Variants in SPECC1L observed in about 807,000 individuals in gnomAD.
SPECC1L encodes cytospin-A.
A neutral mutation model predicts 116.8 loss-of-function variants in SPECC1L; 40 were observed. The observed-to-expected ratio is 0.34, with a 90% CI of 0.27 to 0.45. The LOEUF (loss-of-function observed/expected upper bound fraction) is 0.45, where lower values mean the gene tolerates loss of function less well. Among genes scored for constraint, SPECC1L ranks in the 20% least tolerant of loss-of-function variants. The pLI is 1.00. For synonymous variants in SPECC1L, 504 were observed against 500.6 expected (o/e 1.01, Z -0.09); for missense variants, 1,110 against 1,373.6 (o/e 0.81, Z 3.03).
chr22:24,378,274 G>A (rs1292819413), intron 14 of SPECC1L, among the ~76,000 whole-genome samples: 1 of 152,202 alleles, frequency 6.6e-6, no homozygotes, highest in Non-Finnish European at 1.5e-5. Context: ...ACCAATCTCA[G>A]CATTTATAGA....
chr22:24,290,831 G>T (rs1181823674), intron 2 of SPECC1L, among the ~76,000 whole-genome samples: 1 of 152,188 alleles, frequency 6.6e-6, no homozygotes, highest in Non-Finnish European at 1.5e-5. Context: ...TGTATATGTT[G>T]AAGAATATAG....
chr22:24,298,520 G>A (rs1386881770), intron 2 of SPECC1L, among the ~76,000 whole-genome samples: 4 of 152,210 alleles, frequency 2.6e-5, no homozygotes, highest in Non-Finnish European at 4.4e-5. Context: ...CCCAAGATCT[G>A]CAGTTGGCCA....
intron 9 of SPECC1L, among the ~76,000 whole-genome samples, chr22:24,336,019 T>C (rs139545216): frequency 6.6e-6 from 1 of 152,196 alleles, no homozygotes; most frequent in African/African-American, 2.4e-5. Flanking sequence ...GAGTTTTCAG[T>C]ATAGCATTGT....
intron 3 of SPECC1L, among the ~76,000 whole-genome samples, chr22:24,310,422 T>G (rs1024939706): frequency 9.2e-5 from 14 of 152,248 alleles, no homozygotes; most frequent in African/African-American, 3.4e-4. Flanking sequence ...TGTAACTTTG[T>G]TAGATATTGC....
At position 24,415,904 on chromosome 22, in the gene SPECC1L, C is replaced by G. The variant is rs1425922248; in HGVS notation, c.*1281C>G. 6.6e-6 allele frequency: 1 copy of G among 152,272 alleles called. No homozygotes were observed. Among genetic ancestry groups the G allele is most frequent in the Admixed American group, 6.5e-5 (1 of 15,282 alleles). 9.4% of individuals were successfully genotyped at this position (152,272 alleles called of 1,614,324 possible). On this transcript the variant is annotated 3_prime_UTR_variant, in exon 17 of 17. Transcript: ENST00000314328. ...AACAGCTATTTTTGGGAATAGGGAT[C>G]TCCCGTGTGCCTAACGCAGTAGCTA...
At chr22:24,275,378 G>T (rs569813322) in intron 1 of SPECC1L, among the ~76,000 whole-genome samples, 97 of 152,318 alleles carry the variant, frequency 6.4e-4, no homozygotes, top group African/African-American at 2.1e-3. Flanking sequence ...TTCAAAGTCT[G>T]TTTAATTGTA....
At chr22:24,390,956 A>ACCTCT (rs1482186614) in intron 14 of SPECC1L, among the ~76,000 whole-genome samples, 1 of 133,586 alleles carries the variant, frequency 7.5e-6, no homozygotes, top group Admixed American at 8.5e-5. Flanking sequence ...GCTCACTGCA[A>ACCTCT]CCTCTGCCTC....
chr22:24,404,028 T>G (rs1265059524), intron 14 of SPECC1L, among the ~76,000 whole-genome samples: 3 of 152,208 alleles, frequency 2.0e-5, no homozygotes, highest in African/African-American at 7.2e-5. Flanking sequence ...TCATGGCAAC[T>G]CATATGTTTC....
chr22:24,384,045 G>A (rs1209993684), intron 14 of SPECC1L, among the ~76,000 whole-genome samples: 1 of 151,732 alleles, frequency 6.6e-6, no homozygotes, highest in Non-Finnish European at 1.5e-5. Context: ...AAAGACTTGT[G>A]AATTAGAGGA....
chr22:24,314,361 T>G (rs546859022), intron 4 of SPECC1L, among the ~76,000 whole-genome samples: 3 of 152,374 alleles, frequency 2.0e-5, no homozygotes, highest in East Asian at 3.9e-4. Context: ...AGAAGGATTC[T>G]TTTAAAAATA....
intron 2 of SPECC1L, among the ~76,000 whole-genome samples, chr22:24,280,327 A>G (rs909597131): frequency 6.6e-6 from 1 of 151,894 alleles, no homozygotes; most frequent in African/African-American, 2.4e-5. Context: ...GGTTTTGAGG[A>G]GTAGCTGGGG....
At position 24,300,157 on chromosome 22, in the gene SPECC1L, C is replaced by G. The variant is rs145889901; in HGVS notation, c.-37-2038C>G. 7.4e-3 allele frequency among the ~76,000 whole-genome samples: 1,123 copies of G among 152,292 alleles called. 71 individuals carry two copies. In the South Asian group the frequency reaches 0.12, roughly 16 times the overall value. ...CTCGTTCCCCACCCCACAACAGGCCCTGGTGTGTGTTGTTCCCTTCTCTGT... is the reference window on the plus strand; with the variant it reads ...CTCGTTCCCCACCCCACAACAGGCCGTGGTGTGTGTTGTTCCCTTCTCTGT... On this transcript the variant is annotated intron_variant, in intron 2 of 16. Coordinates refer to ENST00000314328, the MANE Select transcript of SPECC1L (RefSeq NM_015330.6).
At chr22:24,352,540 T>G (rs906830428) in intron 11 of SPECC1L, among the ~76,000 whole-genome samples, 2 of 152,018 alleles carry the variant, frequency 1.3e-5, no homozygotes. Context: ...GAAAAAAAAA[T>G]GATTTATGTT....
At chr22:24,408,973 T>C (rs2042643046) in intron 14 of SPECC1L, among the ~76,000 whole-genome samples, 1 of 152,238 alleles carries the variant, frequency 6.6e-6, no homozygotes, top group Admixed American at 6.5e-5. Flanking sequence ...ACTTGGGTCC[T>C]TGCTGGTTGG....
At chr22:24,336,215 C>T (rs1022628450) in intron 9 of SPECC1L, among the ~76,000 whole-genome samples, 8 of 151,754 alleles carry the variant, frequency 5.3e-5, no homozygotes, top group East Asian at 1.9e-4. Context: ...TCGCTCTGTG[C>T]GCTGCAATCC....
At chr22:24,412,228 G>T in intron 15 of SPECC1L, 1 of 361,290 alleles carries the variant, frequency 2.8e-6, no homozygotes, top group South Asian at 2.3e-5. Context: ...CACTGGAGAG[G>T]ATCCAGGCCC....
At chr22:24,299,456 G>T (rs1189786331) in intron 2 of SPECC1L, among the ~76,000 whole-genome samples, 1 of 151,982 alleles carries the variant, frequency 6.6e-6, no homozygotes, top group African/African-American at 2.4e-5. Context: ...GTGAACAGGG[G>T]GTATTTGGGT....
chr22:24,407,604 C>T (rs1004209231), intron 14 of SPECC1L, among the ~76,000 whole-genome samples: 1 of 151,970 alleles, frequency 6.6e-6, no homozygotes, highest in African/African-American at 2.4e-5. Flanking sequence ...GAGGGCCAGG[C>T]GTTGCCATTG....
intron 14 of SPECC1L, among the ~76,000 whole-genome samples, chr22:24,372,889 C>A (rs1370723216): frequency 1.3e-5 from 2 of 152,136 alleles, no homozygotes; most frequent in Non-Finnish European, 2.9e-5. Flanking sequence ...TCATCTCAGC[C>A]CAGAATCTCC....
Sources: gnomAD v4.1 joint callset for allele counts (sites outside exome capture counted in the v4.1 genomes callset) on GRCh38, gnomAD v4.1.1 for gene constraint, MANE v1.5 for transcripts, NCBI Gene and HGNC (gene_info 2026-07-23, HGNC 2026-07-21) for gene names.